EPHA5: variants seen among roughly 807,000 people sequenced by gnomAD.
EPHA5 encodes EPH receptor A5.
Under a neutral mutation model 105.0 loss-of-function variants are expected in EPHA5, and 60 were observed. The ratio of observed to expected loss-of-function variants is 0.57; its 90% CI spans 0.46 to 0.71. The LOEUF (loss-of-function observed/expected upper bound fraction) is 0.71, where lower values mean the gene tolerates loss of function less well. Ranked by LOEUF, EPHA5 falls within the 30% of genes least tolerant of loss-of-function variation. EPHA5 has a pLI of 0.00. For missense variants in EPHA5, 1,218 were observed against 1,274.7 expected (o/e 0.96, Z 0.68); for synonymous variants, 513 against 449.1 (o/e 1.14, Z -1.80).
At chr4:65,662,754 A>T (rs1246024049) in intron 1 of EPHA5, among the ~76,000 whole-genome samples, 1 of 152,082 alleles carries the variant, frequency 6.6e-6, no homozygotes, top group Non-Finnish European at 1.5e-5. Flanking sequence ...TAAGATTGAA[A>T]ACAATACTCA....
At chr4:65,630,199 G>A (rs1746505603) in intron 2 of EPHA5, among the ~76,000 whole-genome samples, 2 of 152,064 alleles carry the variant, frequency 1.3e-5, no homozygotes. Context: ...GCCAGGGAAA[G>A]CTAGTCTCTC....
intron 5 of EPHA5, among the ~76,000 whole-genome samples, chr4:65,488,592 C>A (rs573856093): frequency 6.6e-6 from 1 of 152,090 alleles, no homozygotes; most frequent in Non-Finnish European, 1.5e-5. Context: ...AATTGATTTT[C>A]GCTATTCCTG....
intron 14 of EPHA5, among the ~76,000 whole-genome samples, chr4:65,347,800 A>T (rs2148840352): frequency 6.6e-6 from 1 of 152,296 alleles, no homozygotes; most frequent in African/African-American, 2.4e-5. Flanking sequence ...TGAGTGAAAC[A>T]TCACTACAGT....
chr4:65,476,608 G>C (rs976103128), intron 5 of EPHA5, among the ~76,000 whole-genome samples: 1 of 151,972 alleles, frequency 6.6e-6, no homozygotes, highest in Non-Finnish European at 1.5e-5. Context: ...GGGATAAAGG[G>C]GTGAAAAAAT....
At chr4:65,327,463 A>C (rs922299220) in intron 16 of EPHA5, among the ~76,000 whole-genome samples, 1 of 151,236 alleles carries the variant, frequency 6.6e-6, no homozygotes, top group Non-Finnish European at 1.5e-5. Flanking sequence ...AATTACAGAA[A>C]CAAAACACTG....
chr4:65,408,495 A>C (rs1722587346), intron 7 of EPHA5, among the ~76,000 whole-genome samples: 1 of 152,304 alleles, frequency 6.6e-6, no homozygotes, highest in East Asian at 1.9e-4. Context: ...ATTTACAAGA[A>C]AAAAACAAAC....
At chr4:65,653,568 T>A (rs2149532835) in intron 1 of EPHA5, among the ~76,000 whole-genome samples, 1 of 152,134 alleles carries the variant, frequency 6.6e-6, no homozygotes, top group East Asian at 1.9e-4. Context: ...ATTTTAAAAT[T>A]AGTCTATTAA....
chr4:65,545,471 G>T (rs1737283517), intron 3 of EPHA5, among the ~76,000 whole-genome samples: 1 of 151,884 alleles, frequency 6.6e-6, no homozygotes, highest in Non-Finnish European at 1.5e-5. Context: ...GTTTTGAAAA[G>T]TGCTTATAAA....
At chr4:65,556,998 G>A (rs1351501461) in intron 3 of EPHA5, among the ~76,000 whole-genome samples, 1 of 151,534 alleles carries the variant, frequency 6.6e-6, no homozygotes, top group African/African-American at 2.4e-5. Flanking sequence ...AATTCTGTTT[G>A]TCCTTTATTC....
chr4:65,452,650 T>A (rs1417114930), intron 5 of EPHA5, among the ~76,000 whole-genome samples: 1 of 151,600 alleles, frequency 6.6e-6, no homozygotes, highest in Non-Finnish European at 1.5e-5. Context: ...AAAGTAAATG[T>A]GTAAACATTC....
chr4:65,657,034 C>T (rs1318355541), intron 1 of EPHA5, among the ~76,000 whole-genome samples: 1 of 150,916 alleles, frequency 6.6e-6, no homozygotes, highest in Non-Finnish European at 1.5e-5. Context: ...GTCTTTATCA[C>T]ACATTTTAAA....
chr4:65,488,144 T>A (rs937108153), intron 5 of EPHA5, among the ~76,000 whole-genome samples: 2 of 152,184 alleles, frequency 1.3e-5, no homozygotes, highest in African/African-American at 2.4e-5. Context: ...AAAATTGATC[T>A]TTTTTTGGTA....
At chr4:65,641,329 T>C (rs1273642660) in intron 2 of EPHA5, among the ~76,000 whole-genome samples, 1 of 152,140 alleles carries the variant, frequency 6.6e-6, no homozygotes, top group East Asian at 1.9e-4. Flanking sequence ...ATGCCCTATA[T>C]TGCTCCAAGA....
chr4:65,638,615 T>A (rs1747365775), intron 2 of EPHA5, among the ~76,000 whole-genome samples: 1 of 152,156 alleles, frequency 6.6e-6, no homozygotes, highest in African/African-American at 2.4e-5. Flanking sequence ...GGCACATGCC[T>A]GTAATCCCAG....
At chr4:65,354,642 G>A (rs1723128998) in intron 11 of EPHA5, among the ~76,000 whole-genome samples, 3 of 151,796 alleles carry the variant, frequency 2.0e-5, no homozygotes, top group African/African-American at 7.2e-5. Context: ...TCAGAAGAGT[G>A]TCTGTATTTT....
chr4:65,634,429 GAGA>G (rs1480887626), intron 2 of EPHA5, among the ~76,000 whole-genome samples: 2 of 152,028 alleles, frequency 1.3e-5, no homozygotes, highest in African/African-American at 4.8e-5. Flanking sequence ...TACAGAAGCA[GAGA>G]AGAACATTTT....
At chr4:65,583,263 A>G (rs1741814970) in intron 3 of EPHA5, among the ~76,000 whole-genome samples, 1 of 151,670 alleles carries the variant, frequency 6.6e-6, no homozygotes, top group South Asian at 2.1e-4. Context: ...GCCACTAAAC[A>G]CAAATATTAT....
At chr4:65,393,230 A>C (rs952898302) in intron 8 of EPHA5, among the ~76,000 whole-genome samples, 7 of 152,188 alleles carry the variant, frequency 4.6e-5, no homozygotes. Context: ...GCTTTGTATG[A>C]AACTGACCCT....
intron 2 of EPHA5, among the ~76,000 whole-genome samples, chr4:65,626,641 C>T (rs1202028482): frequency 3.9e-5 from 6 of 152,088 alleles, no homozygotes; most frequent in Non-Finnish European, 7.4e-5. Context: ...GGTTATATGC[C>T]ATTATGGCCA....
Sources: allele counts gnomAD v4.1 joint callset (sites outside exome capture counted in the v4.1 genomes callset), GRCh38; gene constraint gnomAD v4.1.1; transcripts MANE v1.5; gene names NCBI Gene and HGNC (gene_info 2026-07-23, HGNC 2026-07-21).